Variants in MCC observed in about 807,000 individuals in gnomAD.
The protein encoded by MCC is colorectal mutant cancer protein.
In MCC, 90 loss-of-function variants were observed where a neutral mutation model predicts 116.2. The ratio of observed to expected loss-of-function variants is 0.77; its 90% confidence interval spans 0.65 to 0.92. The LOEUF (loss-of-function observed/expected upper bound fraction) is 0.92. Among genes scored for constraint, MCC ranks in the 40% least tolerant of loss-of-function variants. The pLI is 0.00. For missense variants in MCC, 1,516 were observed against 1,312.2 expected (o/e 1.16, Z -2.40); for synonymous variants, 578 against 510.5 (o/e 1.13, Z -1.78).
intron 8 of MCC, among the ~76,000 whole-genome samples, chr5:113,101,101 A>C (rs1756378333): frequency 6.6e-6 from 1 of 152,216 alleles, no homozygotes; most frequent in South Asian, 2.1e-4. Flanking sequence ...TACATGTCCT[A>C]AACAAAATGA....
intron 15 of MCC, among the ~76,000 whole-genome samples, chr5:113,051,071 T>C (rs1379077679): frequency 6.6e-6 from 1 of 152,180 alleles, no homozygotes; most frequent in South Asian, 2.1e-4. Flanking sequence ...CATGTGTAGG[T>C]GTGGTACAGG....
intron 3 of MCC, among the ~76,000 whole-genome samples, chr5:113,273,703 C>G (rs1765704406): frequency 6.6e-6 from 1 of 151,798 alleles, no homozygotes; most frequent in Non-Finnish European, 1.5e-5. Flanking sequence ...ATCAGCTGTA[C>G]TAAATAAGGG....
intron 4 of MCC, among the ~76,000 whole-genome samples, chr5:113,150,601 A>G (rs1759799350): frequency 6.6e-6 from 1 of 152,138 alleles, no homozygotes; most frequent in Non-Finnish European, 1.5e-5. Context: ...AAGAAAGGCT[A>G]AAAACAACAC....
At chr5:113,077,483 G>C (rs1285948208) in intron 11 of MCC, among the ~76,000 whole-genome samples, 2 of 152,152 alleles carry the variant, frequency 1.3e-5, no homozygotes, top group East Asian at 1.9e-4. Flanking sequence ...AATCAAACTA[G>C]AACTCAGGAT....
intron 3 of MCC, among the ~76,000 whole-genome samples, chr5:113,290,834 G>A (rs1001867158): frequency 6.6e-6 from 1 of 152,096 alleles, no homozygotes; most frequent in Non-Finnish European, 1.5e-5. Flanking sequence ...CTTTTGATTT[G>A]CCTGATGTTG....
intron 13 of MCC, among the ~76,000 whole-genome samples, chr5:113,065,803 G>C (rs775602546): frequency 6.6e-6 from 1 of 152,148 alleles, no homozygotes; most frequent in East Asian, 1.9e-4. Flanking sequence ...TGGGTGGCAT[G>C]ATGGCACAGT....
In MCC at chr5:113,143,373, G is replaced by A. The variant is rs1561397563; in HGVS notation, c.742-13C>T. The A allele has an allele frequency of 1.2e-6, 2 of 1,613,434 alleles. No homozygotes were observed. The highest frequency in any genetic ancestry group is 1.7e-6 in the Non-Finnish European group (2 of 1,179,856). On this transcript the variant is annotated splice_polypyrimidine_tract_variant and intron_variant, in intron 4 of 18. Transcript: ENST00000408903. ...GGGACTGCTCGCACTGGGAATAAGG[G>A]AAAAGGACAGAAGTGCTGATGAATT... is the stretch of plus-strand genomic sequence containing the variant.
chr5:113,266,567 GCT>G lies in MCC; in HGVS notation c.627+73950_627+73951del, dbSNP rs1765425254. Reference sequence around the variant, plus strand: ...TTTTTTTCTTTTGAGATGAGGTGTCGCTCTGTCACCCAGTCTAGAATGCAGTG... The same window carrying G: ...TTTTTTTCTTTTGAGATGAGGTGTCGCTGTCACCCAGTCTAGAATGCAGTG... On this transcript the variant is annotated intron_variant, in intron 3 of 18. Transcript: ENST00000408903. Among the ~76,000 whole-genome samples the G allele has an allele frequency of 2.0e-5, 3 of 152,162 alleles. No homozygotes were observed. In the South Asian group the frequency reaches 6.2e-4, roughly 32 times the overall value.
intron 8 of MCC, among the ~76,000 whole-genome samples, chr5:113,100,260 G>C (rs1756313356): frequency 6.6e-6 from 1 of 152,126 alleles, no homozygotes; most frequent in Non-Finnish European, 1.5e-5. Flanking sequence ...ATGAGGAAGA[G>C]TTGATAACAT....
Position 113,333,836 on chromosome 5 carries a change from T to TATATATGTACATATATGTACATATGTAC in MCC, c.627+6682_627+6683insGTACATATGTACATATATGTACATATAT, listed in dbSNP as rs1554076893. Among the ~76,000 whole-genome samples the TATATATGTACATATATGTACATATGTAC allele has an allele frequency of 3.4e-5, 2 of 59,316 alleles. 1 individual carries two copies. Among genetic ancestry groups the TATATATGTACATATATGTACATATGTAC allele is most frequent in the African/African-American group, 2.1e-4 (2 of 9,538 alleles). The allele number at this position is 59,316 out of a possible 152,430, so 38.9% of individuals were successfully genotyped here. ...ATATATGTACATATATGTATATATGTATATATGTATATATGTACATATATG... is the reference window on the plus strand; with the variant it reads ...ATATATGTACATATATGTATATATGTATATATGTACATATATGTACATATGTACATATATGTATATATGTACATATATG... On this transcript the variant is annotated intron_variant, in intron 3 of 18. Transcript: ENST00000408903.
intron 17 of MCC, among the ~76,000 whole-genome samples, chr5:113,040,498 A>G (rs1391801477): frequency 1.3e-5 from 2 of 152,172 alleles, no homozygotes; most frequent in East Asian, 3.9e-4. Context: ...ACTGCTGAAA[A>G]TGCTGGTAAG....
At chr5:113,449,076 C>T (rs1248695670) in intron 1 of MCC, among the ~76,000 whole-genome samples, 1 of 152,180 alleles carries the variant, frequency 6.6e-6, no homozygotes, top group Non-Finnish European at 1.5e-5. Flanking sequence ...CAGGAAAATC[C>T]TACAGAGGGC....
intron 8 of MCC, among the ~76,000 whole-genome samples, chr5:113,096,455 G>A (rs1756026121): frequency 6.6e-6 from 1 of 152,248 alleles, no homozygotes; most frequent in Non-Finnish European, 1.5e-5. Context: ...CCACAAGATG[G>A]ATGAGTGAAA....
chr5:113,396,744 A>AT (rs949320496), intron 1 of MCC, among the ~76,000 whole-genome samples: 3 of 152,198 alleles, frequency 2.0e-5, no homozygotes, highest in Non-Finnish European at 2.9e-5. Context: ...AGGATGGAGA[A>AT]TTTTGTCTAT....
At chr5:113,040,914 G>A (rs1288779418) in intron 17 of MCC, among the ~76,000 whole-genome samples, 3 of 152,172 alleles carry the variant, frequency 2.0e-5, no homozygotes, top group Non-Finnish European at 2.9e-5. Flanking sequence ...AGGCCTCTGA[G>A]GTTTGGGGAA....
chr5:113,481,043 C>T (rs1369556699), intron 1 of MCC, among the ~76,000 whole-genome samples: 2 of 152,294 alleles, frequency 1.3e-5, no homozygotes, highest in East Asian at 3.9e-4. Context: ...TCCCAAAGTG[C>T]AGGGATTACA....
chr5:113,083,900 A>G (rs975686152), intron 10 of MCC, among the ~76,000 whole-genome samples: 7 of 152,232 alleles, frequency 4.6e-5, no homozygotes, highest in Non-Finnish European at 1.0e-4. Flanking sequence ...TCTCCCTTAA[A>G]GCTGAAGAAG....
At chr5:113,180,830 T>A (rs1269107141) in intron 3 of MCC, among the ~76,000 whole-genome samples, 1 of 152,202 alleles carries the variant, frequency 6.6e-6, no homozygotes, top group Non-Finnish European at 1.5e-5. Flanking sequence ...CTACATTTTA[T>A]ATAATAGTTA....
intron 11 of MCC, among the ~76,000 whole-genome samples, chr5:113,075,272 G>A (rs1017674109): frequency 3.9e-5 from 6 of 152,196 alleles, no homozygotes; most frequent in Admixed American, 6.5e-5. Flanking sequence ...CTGCCTCCCC[G>A]CGGAGCAGGG....
Sources: gnomAD v4.1 joint callset for allele counts (sites outside exome capture counted in the v4.1 genomes callset) on GRCh38, gnomAD v4.1.1 for gene constraint, MANE v1.5 for transcripts, NCBI Gene and HGNC (gene_info 2026-07-23, HGNC 2026-07-21) for gene names.